The following VCF1 variants were observed in gnomAD, a reference collection of about 807,000 sequenced individuals.
The protein encoded by VCF1 is protein VCF1.
chr17:73,208,851 T>C, the VCF1 span: 1 of 324,488 alleles, frequency 3.1e-6, no homozygotes, highest in South Asian at 2.6e-5. Context: ...GGTGGAATAG[T>C]GACACAGAAG....
chr17:73,217,271 T>C, the VCF1 span, among the ~76,000 whole-genome samples: 1 of 152,052 alleles, frequency 6.6e-6, no homozygotes, highest in Non-Finnish European at 1.5e-5. Flanking sequence ...GAGAATCGCT[T>C]GAACCCAGGA....
At chr17:73,230,075 T>A in the VCF1 span, among the ~76,000 whole-genome samples, 1 of 151,822 alleles carries the variant, frequency 6.6e-6, no homozygotes, top group African/African-American at 2.4e-5. Context: ...GGCGGGTGGA[T>A]CCCTTGAGCC....
the VCF1 span, chr17:73,208,511 G>A: frequency 2.5e-6 from 4 of 1,576,316 alleles, no homozygotes; most frequent in African/African-American, 4.0e-5. Context: ...TTCTAAAGGT[G>A]CCTCTGCTCA....
At chr17:73,224,960 GACAGCACAGCACAGCACAGC>G in the VCF1 span, among the ~76,000 whole-genome samples, 3 of 47,298 alleles carry the variant, frequency 6.3e-5, no homozygotes, top group African/African-American at 7.3e-5. Context: ...CACAGGACAG[GACAGCACAGCACAGCACAGC>G]ACAGCACAGC....
At chr17:73,214,272 T>G in the VCF1 span, among the ~76,000 whole-genome samples, 29 of 149,122 alleles carry the variant, frequency 1.9e-4, no homozygotes, top group African/African-American at 6.9e-4. Context: ...ATTTTTCAAA[T>G]TGAGAGTGAA....
the VCF1 span, among the ~76,000 whole-genome samples, chr17:73,223,285 C>T: frequency 6.6e-6 from 1 of 152,086 alleles, no homozygotes; most frequent in African/African-American, 2.4e-5. Context: ...CCATTGCACT[C>T]CAGTCTGGGC....
the VCF1 span, among the ~76,000 whole-genome samples, chr17:73,220,894 A>ATTTTTTT: frequency 2.2e-4 from 21 of 96,646 alleles, 1 homozygote; most frequent in East Asian, 2.9e-4. Context: ...TTTAATTTAG[A>ATTTTTTT]TTTTTTTTTT....
At chr17:73,228,214 G>A in the VCF1 span, among the ~76,000 whole-genome samples, 20 of 152,182 alleles carry the variant, frequency 1.3e-4, no homozygotes, top group Admixed American at 1.2e-3. Flanking sequence ...ACAGGCTAGA[G>A]GTCTGTATGT....
chr17:73,229,655 C>G, the VCF1 span: 1 of 855,978 alleles, frequency 1.2e-6, no homozygotes, highest in Admixed American at 6.2e-5. Context: ...CACTTGAGGT[C>G]AGGAGTTCGA....
chr17:73,228,729 G>A, the VCF1 span, among the ~76,000 whole-genome samples: 1 of 152,176 alleles, frequency 6.6e-6, no homozygotes, highest in Non-Finnish European at 1.5e-5. Flanking sequence ...CATTAAATGG[G>A]TGTGCTTTTA....
chr17:73,222,842 A>C, the VCF1 span, among the ~76,000 whole-genome samples: 1 of 152,066 alleles, frequency 6.6e-6, no homozygotes, highest in Non-Finnish European at 1.5e-5. Flanking sequence ...ATATTTAGCA[A>C]AGTCTCGCAG....
At chr17:73,222,887 A>G in the VCF1 span, among the ~76,000 whole-genome samples, 5 of 152,062 alleles carry the variant, frequency 3.3e-5, no homozygotes, top group Admixed American at 2.0e-4. Context: ...AGCACACACC[A>G]TGGTCAGGAG....
the VCF1 span, chr17:73,208,529 C>T: frequency 4.0e-6 from 6 of 1,498,672 alleles, no homozygotes; most frequent in Non-Finnish European, 5.5e-6. Flanking sequence ...TCATCTGATT[C>T]TCAGCCACAC....
At chr17:73,219,621 GC>G in the VCF1 span, among the ~76,000 whole-genome samples, 1 of 150,696 alleles carries the variant, frequency 6.6e-6, no homozygotes, top group Admixed American at 6.6e-5. Flanking sequence ...CTGCACTCCA[GC>G]CTGGGCAACA....
the VCF1 span, among the ~76,000 whole-genome samples, chr17:73,211,994 G>A: frequency 6.6e-6 from 1 of 152,114 alleles, no homozygotes; most frequent in Admixed American, 6.5e-5. Context: ...TTGCACCACC[G>A]CACTCCAGCC....
chr17:73,218,233 A>G, the VCF1 span, among the ~76,000 whole-genome samples: 9 of 152,330 alleles, frequency 5.9e-5, no homozygotes, highest in Middle Eastern at 6.8e-3. Flanking sequence ...GTGCTTCCAA[A>G]GTGTCCAATA....
At chr17:73,221,224 C>G in the VCF1 span, among the ~76,000 whole-genome samples, 1 of 151,340 alleles carries the variant, frequency 6.6e-6, no homozygotes, top group South Asian at 2.1e-4. Flanking sequence ...TTCTTCCCTC[C>G]TAAGGATGAG....
At chr17:73,222,960 C>G in the VCF1 span, among the ~76,000 whole-genome samples, 3 of 152,222 alleles carry the variant, frequency 2.0e-5, no homozygotes, top group East Asian at 5.8e-4. Context: ...TAGCTGTGTT[C>G]TTTGGACAAG....
chr17:73,208,194 T>G, the VCF1 span: 1 of 1,577,048 alleles, frequency 6.3e-7, no homozygotes, highest in African/African-American at 1.3e-5. Flanking sequence ...ACTAGAGCCA[T>G]CGTGCTTCTC....
Sources: gnomAD v4.1 joint callset for allele counts (sites outside exome capture counted in the v4.1 genomes callset) on GRCh38, gnomAD v4.1.1 for gene constraint, MANE v1.5 for transcripts, NCBI Gene and HGNC (gene_info 2026-07-23, HGNC 2026-07-21) for gene names.